TAF4B: variants seen among roughly 807,000 people sequenced by gnomAD.
The protein encoded by TAF4B is TATA-box binding protein associated factor 4b.
In TAF4B, 38 loss-of-function variants were observed where a neutral mutation model predicts 86.4. That is an observed-to-expected ratio of 0.44 (90% CI 0.34 to 0.58). The LOEUF (loss-of-function observed/expected upper bound fraction) is 0.58. Among genes scored for constraint, TAF4B ranks in the 20% least tolerant of loss-of-function variants. The probability of loss-of-function intolerance (pLI) is 0.02; values close to 1 mark genes in which losing one functional copy is unlikely to be tolerated. For missense variants in TAF4B, 988 were observed against 1,027.6 expected, an observed-to-expected ratio of 0.96 and a Z score of 0.53; for synonymous variants, 388 against 391.2, an observed-to-expected ratio of 0.99 and a Z score of 0.10.
At chr18:26,282,622 AGGT>A (rs2056464270) in intron 6 of TAF4B, among the ~76,000 whole-genome samples, 1 of 152,224 alleles carries the variant, frequency 6.6e-6, no homozygotes, top group Non-Finnish European at 1.5e-5. Flanking sequence ...TGGTCACTGA[AGGT>A]GGTCACACCC....
At chr18:26,358,808 C>A (rs925892238) in intron 14 of TAF4B, among the ~76,000 whole-genome samples, 1 of 152,164 alleles carries the variant, frequency 6.6e-6, no homozygotes, top group East Asian at 1.9e-4. Context: ...GAGATAAGGT[C>A]AGCAATAAAA....
At chr18:26,329,728 C>G (rs1266847084) in intron 12 of TAF4B, among the ~76,000 whole-genome samples, 1 of 152,238 alleles carries the variant, frequency 6.6e-6, no homozygotes, top group Non-Finnish European at 1.5e-5. Flanking sequence ...CTGCACTCTT[C>G]TCAGCTGATC....
At chr18:26,273,623 G>A (rs1193374356) in intron 3 of TAF4B, among the ~76,000 whole-genome samples, 1 of 152,126 alleles carries the variant, frequency 6.6e-6, no homozygotes, top group Non-Finnish European at 1.5e-5. Flanking sequence ...TCGAACTCCT[G>A]TCCTCAAGCA....
intron 13 of TAF4B, among the ~76,000 whole-genome samples, chr18:26,352,186 G>A (rs1455835834): frequency 1.3e-5 from 2 of 151,928 alleles, no homozygotes; most frequent in African/African-American, 4.8e-5. Flanking sequence ...ATTACATGAA[G>A]TGTAAATGAT....
intron 1 of TAF4B, among the ~76,000 whole-genome samples, chr18:26,239,032 T>C (rs1168742957): frequency 3.9e-5 from 6 of 152,372 alleles, no homozygotes; most frequent in Non-Finnish European, 7.3e-5. Flanking sequence ...CTATTGTGAA[T>C]AGTGCTGCAG....
intron 11 of TAF4B, among the ~76,000 whole-genome samples, chr18:26,322,242 A>G (rs2056968848): frequency 2.0e-5 from 3 of 152,126 alleles, no homozygotes; most frequent in South Asian, 4.1e-4. Context: ...CTACACCACC[A>G]GTAAGTTCCC....
chr18:26,282,075 C>A lies in TAF4B; in HGVS notation c.972+15C>A. ...CTTTTCTTAAGGTAGAGTTATGTGT[C>A]ACTTAGAAGAAATAATTTGGATTAG... On this transcript the variant is annotated intron_variant, in intron 6 of 14. Transcript: ENST00000269142. 1.3e-6 allele frequency: 2 copies of A among 1,569,890 alleles called. No homozygotes were observed. The highest frequency in any genetic ancestry group is 1.1e-5 in the South Asian group (1 of 87,826).
At chr18:26,380,265 C>A (rs973256358) in intron 14 of TAF4B, among the ~76,000 whole-genome samples, 2 of 152,100 alleles carry the variant, frequency 1.3e-5, no homozygotes, top group African/African-American at 4.8e-5. Flanking sequence ...ATTAACCTTA[C>A]ACATTTCTTT....
intron 5 of TAF4B, among the ~76,000 whole-genome samples, chr18:26,280,629 T>G (rs999031765): frequency 6.6e-6 from 1 of 152,108 alleles, no homozygotes; most frequent in African/African-American, 2.4e-5. Flanking sequence ...TCAAAATGTC[T>G]GTTACTAAGA....
chr18:26,261,893 A>G (rs894602156), intron 1 of TAF4B, among the ~76,000 whole-genome samples: 127 of 152,276 alleles, frequency 8.3e-4, no homozygotes, highest in African/African-American at 2.8e-3. Context: ...ACGTAAAGAC[A>G]TTTCATTTAG....
At chr18:26,291,835 C>A (rs972789117) in intron 7 of TAF4B, among the ~76,000 whole-genome samples, 1 of 151,606 alleles carries the variant, frequency 6.6e-6, no homozygotes, top group Non-Finnish European at 1.5e-5. Context: ...TAATTGAGGG[C>A]GGCAGGGAAG....
chr18:26,347,984 C>T (rs1221922824), intron 13 of TAF4B, among the ~76,000 whole-genome samples: 1 of 152,218 alleles, frequency 6.6e-6, no homozygotes, highest in African/African-American at 2.4e-5. Context: ...GACTTCAACA[C>T]TCCATTCTTA....
intron 1 of TAF4B, among the ~76,000 whole-genome samples, chr18:26,255,435 C>G (rs1227056520): frequency 2.0e-5 from 3 of 151,736 alleles, no homozygotes; most frequent in Non-Finnish European, 2.9e-5. Context: ...GAAACCCTGT[C>G]TCTACTAAAA....
chr18:26,244,168 C>T (rs575343545), intron 1 of TAF4B, among the ~76,000 whole-genome samples: 1 of 152,238 alleles, frequency 6.6e-6, no homozygotes, highest in African/African-American at 2.4e-5. Flanking sequence ...ATGCCCTGCC[C>T]CCAGAGGTGG....
chr18:26,313,796 G>A (rs930441035), intron 9 of TAF4B, among the ~76,000 whole-genome samples: 2 of 151,908 alleles, frequency 1.3e-5, no homozygotes, highest in Non-Finnish European at 2.9e-5. Flanking sequence ...CTCTCAAGTA[G>A]CTGGAACCAC....
chr18:26,315,114 C>G (rs2056889675), intron 9 of TAF4B, 115 bp from the exon 10 acceptor site: 1 of 244,972 alleles, frequency 4.1e-6, no homozygotes. Context: ...CTCTCTCTCT[C>G]TCTCTCTCTC....
Position 26,357,775 on chromosome 18 carries a change from C to T in TAF4B, c.2402C>T (p.Pro801Leu). Residue 801 changes from proline to leucine, a missense_variant, in exon 14 of 15, where the codon CCA (proline) becomes CTA (leucine). Physicochemically the swap from Pro to Leu is moderately conservative, Grantham distance 98. Around this residue, in one of 3 missense-constraint regions of TAF4B, gnomAD observed 216 missense variants for 238.4 expected, o/e 0.91. Coordinates refer to ENST00000269142, the MANE Select transcript of TAF4B (RefSeq NM_005640.3). ...GCTATTGGACCAAGGAAGAAGAGAC[C>T]ACTAGAATCTGGAATTGAGGTATTG... Reference protein sequence around the residue: ...LAAIGPRKKRPLESGIEGLKD... With the variant: ...LAAIGPRKKRLLESGIEGLKD... The T allele has an allele frequency of 6.2e-7, 1 of 1,609,516 alleles. No individual in the cohort carries two copies. The highest frequency in any genetic ancestry group is 1.1e-5 in the South Asian group (1 of 90,364).
At chr18:26,325,784 T>C (rs2056998764) in intron 11 of TAF4B, among the ~76,000 whole-genome samples, 1 of 152,242 alleles carries the variant, frequency 6.6e-6, no homozygotes, top group African/African-American at 2.4e-5. Context: ...CCATATTCTA[T>C]CTTGTGTTAT....
intron 9 of TAF4B, among the ~76,000 whole-genome samples, chr18:26,307,771 T>C (rs1049238169): frequency 1.3e-5 from 2 of 152,170 alleles, no homozygotes; most frequent in African/African-American, 4.8e-5. Context: ...CTAGTGTATA[T>C]TAACTTATTT....
Sources: gnomAD v4.1 joint callset for allele counts (sites outside exome capture counted in the v4.1 genomes callset) on GRCh38, gnomAD v4.1.1 for gene constraint, gnomAD v4.1.1 regional missense constraint, MANE v1.5 for transcripts, NCBI Gene and HGNC (gene_info 2026-07-23, HGNC 2026-07-21) for gene names.